Variants in SOX5 observed in about 807,000 individuals in gnomAD.
The protein encoded by SOX5 is transcription factor SOX-5.
SOX5 carries 9 observed loss-of-function variants against 92.0 expected under a neutral mutation model. The ratio of observed to expected loss-of-function variants is 0.10; its 90% confidence interval spans 0.06 to 0.17. SOX5 has a LOEUF of 0.17. Among genes scored for constraint, SOX5 ranks in the 10% least tolerant of loss-of-function variants. The probability of loss-of-function intolerance (pLI) is 1.00; values close to 1 mark genes in which losing one functional copy is unlikely to be tolerated. For synonymous variants in SOX5, 344 were observed against 336.3 expected (o/e 1.02, Z -0.25); for missense variants, 642 against 944.5 (o/e 0.68, Z 4.20).
In SOX5 at chr12:23,823,999, C is replaced by A. The variant is rs145598398; in HGVS notation, c.481+21984G>T. Reference sequence around the variant, plus strand: ...TATGTTCTTCTCTAAACTGGTTATTCTAGTTAGCAATTTGTCTAACCTTTT... The same window carrying A: ...TATGTTCTTCTCTAAACTGGTTATTATAGTTAGCAATTTGTCTAACCTTTT... On this transcript the variant is annotated intron_variant, in intron 3 of 14. Coordinates refer to ENST00000451604, the MANE Select transcript of SOX5 (RefSeq NM_006940.6). 6.6e-5 allele frequency among the ~76,000 whole-genome samples: 10 copies of A among 152,320 alleles called. No individual in the cohort carries two copies. In the East Asian group the frequency reaches 1.9e-3, roughly 29 times the overall value.
At chr12:24,265,798 T>G (rs1434888408) in intron 3 of SOX5, among the ~76,000 whole-genome samples, 2 of 152,190 alleles carry the variant, frequency 1.3e-5, no homozygotes, top group Non-Finnish European at 2.9e-5. Context: ...CAATATTTCT[T>G]GAATATTTCC....
chr12:24,141,254 T>C (rs1195152513), intron 4 of SOX5, among the ~76,000 whole-genome samples: 1 of 152,150 alleles, frequency 6.6e-6, no homozygotes, highest in Non-Finnish European at 1.5e-5. Flanking sequence ...ATTAAAATGG[T>C]TTACCAGGTG....
intron 6 of SOX5, among the ~76,000 whole-genome samples, chr12:23,681,903 T>A (rs932452278): frequency 6.6e-6 from 1 of 151,798 alleles, no homozygotes; most frequent in African/African-American, 2.4e-5. Context: ...ATTTTTGTTA[T>A]ATCCATCCAG....
At chr12:23,585,674 G>A (rs1950621377) in intron 9 of SOX5, among the ~76,000 whole-genome samples, 1 of 152,140 alleles carries the variant, frequency 6.6e-6, no homozygotes, top group African/African-American at 2.4e-5. Flanking sequence ...GGTTAAAGGA[G>A]TTCTCAGTGG....
At chr12:23,998,034 A>T (rs1215496464) in intron 4 of SOX5, among the ~76,000 whole-genome samples, 2 of 152,158 alleles carry the variant, frequency 1.3e-5, no homozygotes, top group Non-Finnish European at 2.9e-5. Flanking sequence ...ATGAAAAATC[A>T]CAAAACATGT....
intron 3 of SOX5, among the ~76,000 whole-genome samples, chr12:23,831,047 C>T (rs1469204990): frequency 1.3e-5 from 2 of 152,048 alleles, no homozygotes; most frequent in South Asian, 2.1e-4. Flanking sequence ...ATAATACCTT[C>T]TTTAGCACCC....
At chr12:23,580,452 CTT>C (rs199711301) in intron 9 of SOX5, among the ~76,000 whole-genome samples, 1 of 151,962 alleles carries the variant, frequency 6.6e-6, no homozygotes, top group East Asian at 1.9e-4. Context: ...ATCTTGGTGA[CTT>C]TTTTTGTGCT....
intron 9 of SOX5, among the ~76,000 whole-genome samples, chr12:23,590,576 A>G (rs1283493846): frequency 6.6e-6 from 1 of 151,954 alleles, no homozygotes; most frequent in Admixed American, 6.6e-5. Flanking sequence ...CCTTACCTCC[A>G]TATTATTCTT....
rs537324176 is a variant in SOX5, at chr12:24,239,993, CA to C, written c.-76-26577del. On this transcript the variant is annotated intron_variant, in intron 3 of 4. Coordinates refer to the SOX5 transcript ENST00000446891. ...ATACAAGGCTTTATGCTAATTTTAG[CA>C]AAATGTATGTATCTTTTTACATACA... is the stretch of plus-strand genomic sequence containing the variant. 2.2e-3 allele frequency among the ~76,000 whole-genome samples: 330 copies of C among 152,156 alleles called. 3 individuals are homozygous for C. Among genetic ancestry groups the C allele is most frequent in the African/African-American group, 7.7e-3 (319 of 41,528 alleles).
chr12:24,426,894 A>G (rs969687588), intron 1 of SOX5, among the ~76,000 whole-genome samples: 37 of 152,064 alleles, frequency 2.4e-4, no homozygotes, highest in African/African-American at 7.7e-4. Flanking sequence ...ACTTTGATTC[A>G]TGCCTAAAAG....
chr12:23,789,536 G>A (rs2095435183), intron 3 of SOX5, among the ~76,000 whole-genome samples: 1 of 151,972 alleles, frequency 6.6e-6, no homozygotes, highest in African/African-American at 2.4e-5. Flanking sequence ...ACGTGTTTAG[G>A]GGCAAGGTCT....
At chr12:24,461,933 T>C (rs1478473156) in intron 1 of SOX5, among the ~76,000 whole-genome samples, 1 of 152,204 alleles carries the variant, frequency 6.6e-6, no homozygotes, top group Non-Finnish European at 1.5e-5. Context: ...AATAGCACTT[T>C]GGGTTACATC....
intron 3 of SOX5, among the ~76,000 whole-genome samples, chr12:23,843,967 C>G (rs934400264): frequency 1.3e-5 from 2 of 152,140 alleles, no homozygotes; most frequent in African/African-American, 4.8e-5. Flanking sequence ...TACAGATGCT[C>G]CTAGACTTAT....
At chr12:23,900,628 C>T (rs1313706821) in intron 1 of SOX5, among the ~76,000 whole-genome samples, 1 of 151,982 alleles carries the variant, frequency 6.6e-6, no homozygotes, top group Non-Finnish European at 1.5e-5. Flanking sequence ...TTAAAGCTCC[C>T]CATGATTTTA....
intron 4 of SOX5, among the ~76,000 whole-genome samples, chr12:24,098,286 C>A (rs1468134988): frequency 6.6e-6 from 1 of 152,140 alleles, no homozygotes; most frequent in Non-Finnish European, 1.5e-5. Flanking sequence ...AGCATGAATC[C>A]TCTATTATAA....
chr12:23,536,318 T>C, intron 14 of SOX5, 135 bp downstream of exon 14: 1 of 690,062 alleles, frequency 1.4e-6, no homozygotes, highest in South Asian at 1.8e-5. Context: ...TGTGGGAGAC[T>C]ATTTGTCTCT....
At chr12:24,445,578 C>T (rs1941346881) in intron 1 of SOX5, among the ~76,000 whole-genome samples, 2 of 152,176 alleles carry the variant, frequency 1.3e-5, no homozygotes, top group Admixed American at 6.5e-5. Context: ...AGGATACTGA[C>T]ATAGCACTGA....
intron 1 of SOX5, among the ~76,000 whole-genome samples, chr12:24,420,783 A>AT (rs776274010): frequency 5.6e-4 from 85 of 152,214 alleles, no homozygotes; most frequent in Non-Finnish European, 1.1e-3. Context: ...GATAACTAAT[A>AT]TTAAAAAAAG....
In SOX5 at chr12:24,427,448, G is replaced by A. The variant is rs143175735; in HGVS notation, c.-250-58809C>T. ...TTCTTGAGTCACCTTCAAAGCATGGGATTATATCACATGGGAGATAGAATA... is the reference window on the plus strand; with the variant it reads ...TTCTTGAGTCACCTTCAAAGCATGGAATTATATCACATGGGAGATAGAATA... On this transcript the variant is annotated intron_variant, in intron 1 of 4. Coordinates refer to the SOX5 transcript ENST00000446891. 4.6e-3 allele frequency among the ~76,000 whole-genome samples: 697 copies of A among 152,252 alleles called. 11 individuals carry two copies. In the East Asian group the frequency reaches 0.051, roughly 11 times the overall value.
Sources: allele counts gnomAD v4.1 joint callset (sites outside exome capture counted in the v4.1 genomes callset), GRCh38; gene constraint gnomAD v4.1.1; transcripts MANE v1.5; gene names NCBI Gene and HGNC (gene_info 2026-07-23, HGNC 2026-07-21).